Variants in TMTC3 observed in about 807,000 individuals in gnomAD.
The protein encoded by TMTC3 is protein O-mannosyl-transferase TMTC3.
TMTC3 carries 52 observed loss-of-function variants against 92.2 expected under a neutral mutation model. The observed-to-expected ratio is 0.56, with a 90% confidence interval of 0.45 to 0.71. The LOEUF is 0.71. Among genes scored for constraint, TMTC3 ranks in the 30% least tolerant of loss-of-function variants. The probability of loss-of-function intolerance (pLI) is 0.00; values close to 1 mark genes in which losing one functional copy is unlikely to be tolerated. For missense variants in TMTC3, 896 were observed against 1,057.1 expected, an observed-to-expected ratio of 0.85 and a Z score of 2.11; for synonymous variants, 339 against 363.3, an observed-to-expected ratio of 0.93 and a Z score of 0.76.
chr12:88,146,513 T>C (rs1011277962), intron 1 of TMTC3, among the ~76,000 whole-genome samples: 3 of 151,406 alleles, frequency 2.0e-5, no homozygotes, highest in African/African-American at 7.3e-5. Flanking sequence ...CCAGCCCTAA[T>C]CAAGCCACTG....
At chr12:88,153,246 T>C in intron 2 of TMTC3, 45 bp from the exon 3 acceptor site, 1 of 1,406,676 alleles carries the variant, frequency 7.1e-7, no homozygotes, top group Non-Finnish European at 9.8e-7. Flanking sequence ...TGTACCCTGT[T>C]GGACCAAGGT....
At position 88,195,185 on chromosome 12, in the gene TMTC3, G is replaced by C; in HGVS notation, c.2281G>C (p.Glu761Gln). ...KDILGAKKCF[E>Q]RILEMDPSNV... ...TATACTAGGAGCAAAAAAATGTTTT[G>C]AAAGGATTTTGGAGATGGATCCAAG... Residue 761 changes from glutamate (E) to glutamine (Q), a missense_variant, in exon 14 of 14, where the codon GAA (glutamate) becomes CAA (glutamine). By Grantham distance (29) the Glu-to-Gln change is conservative (BLOSUM62 2). Transcript: ENST00000266712. 3.1e-6 allele frequency: 5 copies of C among 1,613,812 alleles called. No homozygotes were observed. Among genetic ancestry groups the C allele is most frequent in the South Asian group, 1.1e-5 (1 of 91,074 alleles).
intron 6 of TMTC3, among the ~76,000 whole-genome samples, chr12:88,164,713 C>G (rs1592732649): frequency 6.6e-6 from 1 of 152,078 alleles, no homozygotes; most frequent in Admixed American, 6.6e-5. Context: ...CATGCAAGAA[C>G]TTTTATTTTT....
At chr12:88,145,743 T>G (rs956206441) in intron 1 of TMTC3, among the ~76,000 whole-genome samples, 2 of 152,186 alleles carry the variant, frequency 1.3e-5, no homozygotes, top group Non-Finnish European at 2.9e-5. Context: ...TTACGTGAGA[T>G]AAGATGAATG....
rs536693766 is a variant in TMTC3 at position 88,163,000 on chromosome 12, C to T, written c.797+2149C>T. Among the ~76,000 whole-genome samples, 9 of 151,768 alleles carry T rather than the reference C, an allele frequency of 5.9e-5. No individual in the cohort carries two copies. In the South Asian group the frequency reaches 1.9e-3, roughly 32 times the overall value. ...GCGCAATCTCGGCTCACCGCAACCT[C>T]CACCTCCCAGGTTTAAACGATTCTC... On this transcript the variant is annotated intron_variant, in intron 6 of 13. Transcript: ENST00000266712.
At chr12:88,145,107 G>T (rs1186511213) in intron 1 of TMTC3, among the ~76,000 whole-genome samples, 1 of 152,066 alleles carries the variant, frequency 6.6e-6, no homozygotes, top group Non-Finnish European at 1.5e-5. Context: ...ATATTCCTTG[G>T]ATGTTACTTC....
chr12:88,174,330 G>GT (rs1565952294), intron 8 of TMTC3, among the ~76,000 whole-genome samples: 1 of 151,940 alleles, frequency 6.6e-6, no homozygotes, highest in African/African-American at 2.4e-5. Context: ...TTAAAAATTG[G>GT]TTTTTTCCAT....
At chr12:88,142,576 C>G (rs2040750535) in intron 1 of TMTC3, 89 bp downstream of exon 1, 1 of 152,382 alleles carries the variant, frequency 6.6e-6, no homozygotes, top group Non-Finnish European at 1.5e-5. Flanking sequence ...GGCCGTAGGG[C>G]CTGGTCCCAT....
intron 13 of TMTC3, 152 bp downstream of exon 13, chr12:88,192,982 A>T: frequency 1.7e-6 from 1 of 592,810 alleles, no homozygotes. Context: ...GAATATTTAA[A>T]ATACTTGAAG....
intron 4 of TMTC3, among the ~76,000 whole-genome samples, chr12:88,158,774 G>A (rs920306718): frequency 6.6e-6 from 1 of 151,972 alleles, no homozygotes; most frequent in Non-Finnish European, 1.5e-5. Context: ...GGTCACGGCC[G>A]GGCACAGTGG....
chr12:88,160,872 G>T, intron 6 of TMTC3, 21 bp downstream of exon 6: 2 of 1,546,354 alleles, frequency 1.3e-6, no homozygotes, highest in East Asian at 2.4e-5. Flanking sequence ...CTGGTTCTTT[G>T]TTTTCTCCAT....
rs527992551 is a variant in TMTC3 at position 88,188,531 on chromosome 12, A to G, written c.1433-312A>G. Reference sequence around the variant, plus strand: ...TTACCTTTATCTCTCTTATGTCTCAACTCTTCAAAAATCCATTCAAATAGT... The same window carrying G: ...TTACCTTTATCTCTCTTATGTCTCAGCTCTTCAAAAATCCATTCAAATAGT... On this transcript the variant is annotated intron_variant, in intron 10 of 13. Transcript: ENST00000266712. Among the ~76,000 whole-genome samples the G allele has an allele frequency of 3.0e-4, 45 of 152,178 alleles. 1 individual carries two copies. Among genetic ancestry groups the G allele is most frequent in the Admixed American group, 1.6e-3 (25 of 15,280 alleles).
chr12:88,179,783 C>G (rs1012646015), intron 10 of TMTC3, among the ~76,000 whole-genome samples: 5 of 152,038 alleles, frequency 3.3e-5, no homozygotes, highest in African/African-American at 1.2e-4. Flanking sequence ...GGAGCAAACA[C>G]AATTTGTGGG....
In TMTC3 at chr12:88,153,437, AC is replaced by A; in HGVS notation, c.337del (p.Leu113PhefsTer9). 1 of 1,613,722 alleles carries A rather than the reference AC, an allele frequency of 6.2e-7. No individual in the cohort carries two copies. On this transcript the variant is annotated frameshift_variant, in exon 3 of 14. Transcript: ENST00000266712. LOFTEE classifies it high-confidence loss of function. ...VSVIFLKVCK[L>X]FLDNKSSVIA... ...GTGTGATATTTCTCAAAGTATGCAA[AC>A]TTTTTCTGGACAACAAGAGTAGTGT...
intron 1 of TMTC3, among the ~76,000 whole-genome samples, chr12:88,144,529 G>T (rs1480796720): frequency 2.0e-5 from 3 of 151,804 alleles, no homozygotes; most frequent in African/African-American, 7.3e-5. Context: ...AACTCAAGGT[G>T]CCTGGTCTCT....
chr12:88,174,752 G>A (rs1485924578), intron 9 of TMTC3, 25 bp downstream of exon 9: 2 of 1,609,394 alleles, frequency 1.2e-6, no homozygotes, highest in South Asian at 1.1e-5. Context: ...AGAATGACAG[G>A]AAAGTATGTC....
chr12:88,181,907 C>A lies in TMTC3; in HGVS notation c.1432+5588C>A, dbSNP rs190910763. ...AAAGCATTGGGTATGGGGGAGTGAACTACTTGTGTAGACACAACTACAGGA... is the reference window on the plus strand; with the variant it reads ...AAAGCATTGGGTATGGGGGAGTGAAATACTTGTGTAGACACAACTACAGGA... On this transcript the variant is annotated intron_variant, in intron 10 of 13. Transcript: ENST00000266712. 5.9e-4 allele frequency among the ~76,000 whole-genome samples: 90 copies of A among 152,298 alleles called. 1 individual carries two copies. The highest frequency in any genetic ancestry group is 9.6e-4 in the Non-Finnish European group (65 of 68,032).
chr12:88,182,831 T>G lies in TMTC3; in HGVS notation c.1433-6012T>G, dbSNP rs201903941. On this transcript the variant is annotated intron_variant, in intron 10 of 13. Transcript: ENST00000266712. ...TCCCAATGAAATCAGTGAGCTGGCCTTTCATTATTGATAGCTGGTATTGTA... is the reference window on the plus strand; with the variant it reads ...TCCCAATGAAATCAGTGAGCTGGCCGTTCATTATTGATAGCTGGTATTGTA... Among the ~76,000 whole-genome samples the G allele has an allele frequency of 2.0e-5, 3 of 152,212 alleles. No homozygotes were observed. In the East Asian group the frequency reaches 5.8e-4, roughly 29 times the overall value.
rs769908041 is a variant in TMTC3, at chr12:88,166,282, G to A, written c.798-48G>A. 3.3e-6 allele frequency: 5 copies of A among 1,535,672 alleles called. No homozygotes were observed. The African/African-American group carries it at 5.6e-5, about 17-fold the overall frequency. ...GTGTTTTACTTATGTAAATAATTCT[G>A]TACTTTAAAAGTTTTATTTGTAATC... On this transcript the variant is annotated intron_variant, in intron 6 of 13. Transcript: ENST00000266712.
Sources: gnomAD v4.1 joint callset for allele counts (sites outside exome capture counted in the v4.1 genomes callset) on GRCh38, gnomAD v4.1.1 for gene constraint, MANE v1.5 for transcripts, NCBI Gene and HGNC (gene_info 2026-07-23, HGNC 2026-07-21) for gene names.